TSPAN9: variants seen among roughly 807,000 people sequenced by gnomAD.
TSPAN9 encodes tetraspanin 9, also known as tetraspanin-9.
In TSPAN9, 16 loss-of-function variants were observed where a neutral mutation model predicts 31.0. The observed-to-expected ratio is 0.52, with a 90% confidence interval of 0.35 to 0.78. The LOEUF is 0.78. Ranked by LOEUF, TSPAN9 falls within the 30% of genes least tolerant of loss-of-function variation. The pLI is 0.01. For synonymous variants in TSPAN9, 145 were observed against 121.6 expected (o/e 1.19, Z -1.27); for missense variants, 272 against 312.5 (o/e 0.87, Z 0.98).
At chr12:3,209,681 C>T (rs531256582) in intron 3 of TSPAN9, among the ~76,000 whole-genome samples, 3 of 152,112 alleles carry the variant, frequency 2.0e-5, no homozygotes, top group East Asian at 1.9e-4. Context: ...AAGCGTGGGC[C>T]GGGCGCGGTG....
At chr12:3,108,414 G>T (rs977031295) in intron 2 of TSPAN9, among the ~76,000 whole-genome samples, 3 of 152,334 alleles carry the variant, frequency 2.0e-5, no homozygotes, top group Non-Finnish European at 1.5e-5. Flanking sequence ...CTCTCAAGAA[G>T]TCTAATGCCA....
chr12:3,182,970 A>G (rs1016319441), intron 2 of TSPAN9, among the ~76,000 whole-genome samples: 6 of 152,176 alleles, frequency 3.9e-5, no homozygotes, highest in Admixed American at 3.3e-4. Context: ...GCAGGTTGAG[A>G]GCTGTCTCCG....
intron 3 of TSPAN9, among the ~76,000 whole-genome samples, chr12:3,228,304 G>A (rs1048107949): frequency 2.0e-5 from 3 of 152,220 alleles, no homozygotes; most frequent in Non-Finnish European, 4.4e-5. Context: ...GATCGAGGCT[G>A]CAGTAAGCTG....
At chr12:3,206,594 G>T (rs889689929) in intron 3 of TSPAN9, among the ~76,000 whole-genome samples, 15 of 145,146 alleles carry the variant, frequency 1.0e-4, no homozygotes, top group South Asian at 4.4e-4. Flanking sequence ...GTTTTGTTTT[G>T]TTTTTTTTTT....
At chr12:3,096,742 G>C (rs1002155810) in intron 2 of TSPAN9, among the ~76,000 whole-genome samples, 9 of 151,546 alleles carry the variant, frequency 5.9e-5, no homozygotes, top group African/African-American at 2.2e-4. Flanking sequence ...CTGTCGCCCG[G>C]AGTGCAATGG....
chr12:3,214,706 C>T (rs1253466680), intron 3 of TSPAN9, among the ~76,000 whole-genome samples: 3 of 152,084 alleles, frequency 2.0e-5, no homozygotes, highest in Admixed American at 6.5e-5. Flanking sequence ...GCCCTCTAAG[C>T]AGGTAATGAG....
intron 3 of TSPAN9, among the ~76,000 whole-genome samples, chr12:3,216,893 TC>T (rs1353071064): frequency 1.3e-5 from 2 of 152,140 alleles, no homozygotes; most frequent in Non-Finnish European, 1.5e-5. Flanking sequence ...CTCTGAGGGC[TC>T]CCTGGGTCCT....
intron 2 of TSPAN9, chr12:3,149,805 C>T (rs2098338968): frequency 6.6e-6 from 1 of 152,220 alleles, no homozygotes; most frequent in Non-Finnish European, 1.5e-5. Flanking sequence ...GAGTCTGAAG[C>T]TCTGGGAACG....
At chr12:3,222,286 G>A (rs183814929) in intron 3 of TSPAN9, among the ~76,000 whole-genome samples, 95 of 152,326 alleles carry the variant, frequency 6.2e-4, no homozygotes, top group African/African-American at 1.8e-3. Context: ...CCCTGGCTCC[G>A]TCACAGATGA....
intron 2 of TSPAN9, among the ~76,000 whole-genome samples, chr12:3,176,715 A>G (rs2098355853): frequency 6.6e-6 from 1 of 152,250 alleles, no homozygotes; most frequent in African/African-American, 2.4e-5. Flanking sequence ...TCTGTCCTAC[A>G]TTAGGGAAAA....
intron 2 of TSPAN9, among the ~76,000 whole-genome samples, chr12:3,132,127 C>A (rs898547187): frequency 6.6e-6 from 1 of 152,196 alleles, no homozygotes; most frequent in African/African-American, 2.4e-5. Flanking sequence ...GAATACTACT[C>A]CATTATACCT....
intron 8 of TSPAN9, 108 bp from the exon 9 acceptor site, chr12:3,282,937 C>A: frequency 9.5e-7 from 1 of 1,053,844 alleles, no homozygotes; most frequent in Non-Finnish European, 1.4e-6. Flanking sequence ...ACACCAGTGG[C>A]CATCCCCGCT....
At chr12:3,234,268 G>C (rs902662726) in intron 3 of TSPAN9, among the ~76,000 whole-genome samples, 2 of 152,210 alleles carry the variant, frequency 1.3e-5, no homozygotes. Context: ...TGATTGTCTA[G>C]TTGAAATTCC....
At chr12:3,249,617 T>A (rs677991) in intron 3 of TSPAN9, among the ~76,000 whole-genome samples, 1 of 152,128 alleles carries the variant, frequency 6.6e-6, no homozygotes, top group African/African-American at 2.4e-5. Flanking sequence ...AAGGTCGGAA[T>A]GGACTGTGGT....
chr12:3,265,685 G>C (rs1182778109), intron 3 of TSPAN9, among the ~76,000 whole-genome samples: 1 of 152,108 alleles, frequency 6.6e-6, no homozygotes, highest in Non-Finnish European at 1.5e-5. Context: ...TGTGTGTCTG[G>C]GTCCCTCCAC....
chr12:3,180,549 GT>G (rs140990500), intron 2 of TSPAN9, among the ~76,000 whole-genome samples: 5,228 of 152,292 alleles, frequency 0.034, 125 homozygotes, highest in East Asian at 0.099. Context: ...ACAGCCTGCA[GT>G]TTGAAAAGCA....
intron 3 of TSPAN9, among the ~76,000 whole-genome samples, chr12:3,223,060 A>G (rs951161176): frequency 4.6e-5 from 7 of 152,214 alleles, no homozygotes; most frequent in Non-Finnish European, 1.0e-4. Flanking sequence ...TCCCCTGTCT[A>G]TTAACTCCCC....
intron 3 of TSPAN9, among the ~76,000 whole-genome samples, chr12:3,257,597 G>A (rs1012195972): frequency 6.6e-6 from 1 of 151,972 alleles, no homozygotes; most frequent in African/African-American, 2.4e-5. Context: ...TCCCCAACAA[G>A]CTCTCTTGTG....
chr12:3,226,744 GTATATATA>G (rs869054494), intron 3 of TSPAN9, among the ~76,000 whole-genome samples: 3 of 2,856 alleles, frequency 1.1e-3, no homozygotes, highest in African/African-American at 2.5e-3. Context: ...GTGTGTGTGT[GTATATATA>G]TATATATATA....
Sources: allele counts gnomAD v4.1 joint callset (sites outside exome capture counted in the v4.1 genomes callset), GRCh38; gene constraint gnomAD v4.1.1; transcripts MANE v1.5; gene names NCBI Gene and HGNC (gene_info 2026-07-23, HGNC 2026-07-21).